Variants in PHF3 observed in about 807,000 individuals in gnomAD.
PHF3 encodes PHD finger protein 3.
PHF3 carries 41 observed loss-of-function variants against 178.4 expected under a neutral mutation model. That is an observed-to-expected ratio of 0.23 (90% CI 0.18 to 0.30). PHF3 has a LOEUF of 0.30. Among genes scored for constraint, PHF3 ranks in the 10% least tolerant of loss-of-function variants. The pLI is 1.00. For synonymous variants in PHF3, 842 were observed against 800.5 expected (o/e 1.05, Z -0.88); for missense variants, 2,346 against 2,398.1 (o/e 0.98, Z 0.45).
At position 63,721,948 on chromosome 6, in the gene PHF3, C is replaced by T. The variant is rs770498785; in HGVS notation, c.*8240C>T. Among the ~76,000 whole-genome samples, 8 of 152,138 alleles carry T rather than the reference C, an allele frequency of 5.3e-5. No homozygotes were observed. The highest frequency in any genetic ancestry group is 1.2e-4 in the Non-Finnish European group (8 of 68,026). On this transcript the variant is annotated 3_prime_UTR_variant, in exon 16 of 16. Transcript: ENST00000262043. ...ATTGTGTTAGTTTTGTTTCCACTCA[C>T]AGAGCAAAATGCATATATCCTGTAT...
rs1198822686 is a variant in PHF3 at position 63,685,363 on chromosome 6, C to T, written c.1641C>T (p.Val547=). The stretch of plus-strand genomic sequence containing the variant: ...AAAATTTTCATAGGCCAGTCAAAGT[C>T]AGAAAAAAACAAATTGATAAGGAGC... ...SQQNFHRPVK[V]RKKQIDKEPK... The change falls in exon 4 of 16, where the codon GTC becomes GTT. Residue 547 remains valine (V), a synonymous_variant. Coordinates refer to ENST00000262043, the MANE Select transcript of PHF3 (RefSeq NM_001370348.2). 1 of 1,613,614 alleles carries T rather than the reference C, an allele frequency of 6.2e-7. No individual in the cohort carries two copies. The highest frequency in any genetic ancestry group is 8.5e-7 in the Non-Finnish European group (1 of 1,179,916).
Position 63,723,097 on chromosome 6 carries a change from T to C in PHF3, c.*9389T>C, listed in dbSNP as rs1247691775. Among the ~76,000 whole-genome samples, 1 of 152,128 alleles carries C rather than the reference T, an allele frequency of 6.6e-6. No individual in the cohort carries two copies. The highest frequency in any genetic ancestry group is 1.5e-5 in the Non-Finnish European group (1 of 68,022). On this transcript the variant is annotated 3_prime_UTR_variant, in exon 16 of 16. Coordinates refer to ENST00000262043, the MANE Select transcript of PHF3 (RefSeq NM_001370348.2). ...TAAATAAAGAAATACGTTTGTAGGG[T>C]TGTGGGTTGAGATGACTCAGAATAT...
intron 5 of PHF3, among the ~76,000 whole-genome samples, chr6:63,692,459 G>A (rs1056158357): frequency 6.6e-5 from 10 of 152,148 alleles, no homozygotes; most frequent in Non-Finnish European, 1.5e-4. Flanking sequence ...TTTCTAAATA[G>A]AAATTTCAAG....
intron 1 of PHF3, 36 bp from the exon 2 acceptor site, chr6:63,646,491 T>C: frequency 1.4e-6 from 2 of 1,467,590 alleles, no homozygotes; most frequent in South Asian, 1.3e-5. Context: ...AATTGATAGC[T>C]TTATTTCTTA....
intron 2 of PHF3, among the ~76,000 whole-genome samples, chr6:63,666,483 G>A (rs1387641188): frequency 1.3e-5 from 2 of 148,806 alleles, no homozygotes; most frequent in African/African-American, 2.5e-5. Context: ...CCCTTATATT[G>A]TAGAGTCATT....
intron 1 of PHF3, among the ~76,000 whole-genome samples, chr6:63,646,213 C>G (rs1267329005): frequency 6.6e-6 from 1 of 151,792 alleles, no homozygotes; most frequent in East Asian, 1.9e-4. Flanking sequence ...CCATGTAATT[C>G]TTTTGTATGT....
rs1561990141 is a variant in PHF3, at chr6:63,715,185, A to G, written c.*1477A>G. 1 of 152,136 alleles carries G rather than the reference A, an allele frequency of 6.6e-6. No individual in the cohort carries two copies. Among genetic ancestry groups the G allele is most frequent in the Non-Finnish European group, 1.5e-5 (1 of 68,008 alleles). 9.4% of individuals were successfully genotyped at this position (152,136 alleles called of 1,614,324 possible). A position where few individuals can be genotyped will look rare whatever the true frequency, so the allele number is the denominator to read the frequency against. ...AGAGAAGGGAGGAAATTCAGAACCA[A>G]ACATTCTATTTAATTTGCAATGACT... On this transcript the variant is annotated 3_prime_UTR_variant, in exon 16 of 16. Coordinates refer to ENST00000262043, the MANE Select transcript of PHF3 (RefSeq NM_001370348.2).
chr6:63,650,829 T>C (rs1290335776), intron 2 of PHF3, among the ~76,000 whole-genome samples: 1 of 152,182 alleles, frequency 6.6e-6, no homozygotes, highest in Admixed American at 6.5e-5. Context: ...AGCATTTCAA[T>C]CAGACAGTAC....
At position 63,712,328 on chromosome 6, in the gene PHF3, A is replaced by G; in HGVS notation, c.4740A>G (p.Ser1580=). The change falls in exon 16 of 16, where the codon TCA becomes TCG. Residue 1580 remains serine, a synonymous_variant. Transcript: ENST00000262043. ...TTTTAACAAATTTATCAATTCAGTC[A>G]AAACAAGAGGAAACTGTGGAGAGTA... ...EAFLTNLSIQ[S]KQEETVESKE... 1 of 1,613,200 alleles carries G rather than the reference A, an allele frequency of 6.2e-7. No individual in the cohort carries two copies. The highest frequency in any genetic ancestry group is 1.1e-5 in the South Asian group (1 of 90,920).
intron 3 of PHF3, among the ~76,000 whole-genome samples, chr6:63,682,724 GGA>G (rs1766493440): frequency 2.0e-5 from 3 of 152,028 alleles, no homozygotes; most frequent in African/African-American, 7.2e-5. Flanking sequence ...AATATTTAGA[GGA>G]GAAAAAGTGA....
chr6:63,703,725 CT>C, intron 11 of PHF3, 54 bp downstream of exon 11: 1 of 1,511,544 alleles, frequency 6.6e-7, no homozygotes, highest in Non-Finnish European at 9.0e-7. Context: ...AAGAAGGATA[CT>C]TAGATACTAG....
chr6:63,645,055 A>ATT (rs67135634), intron 1 of PHF3, among the ~76,000 whole-genome samples: 9 of 149,554 alleles, frequency 6.0e-5, no homozygotes, highest in South Asian at 2.1e-4. Context: ...TAATTTTTGT[A>ATT]TTTTTTTTTG....
At chr6:63,661,206 C>T (rs1489411724) in intron 2 of PHF3, among the ~76,000 whole-genome samples, 1 of 152,066 alleles carries the variant, frequency 6.6e-6, no homozygotes, top group Non-Finnish European at 1.5e-5. Flanking sequence ...AATAATTTAC[C>T]TCCAGGAAGG....
rs1049617080 is a variant in PHF3, at chr6:63,636,722, C to G, written c.-26+572C>G. 2.0e-5 allele frequency: 3 copies of G among 152,204 alleles called. No individual in the cohort carries two copies. The South Asian group carries it at 6.2e-4, about 32-fold the overall frequency. The allele number at this position is 152,204 out of a possible 1,614,324, so 9.4% of individuals were successfully genotyped here. A position where few individuals can be genotyped will look rare whatever the true frequency, so the allele number is the denominator to read the frequency against. ...TCCAGTTACCGCGCGCTTTTGTGCC[C>G]GGGACTCAAACTGTGGACTCCTTTT... On this transcript the variant is annotated intron_variant, in intron 1 of 15. Transcript: ENST00000262043.
chr6:63,709,310 T>C (rs1767825764), intron 14 of PHF3, 70 bp downstream of exon 14: 2 of 1,016,956 alleles, frequency 2.0e-6, no homozygotes, highest in African/African-American at 1.6e-5. Flanking sequence ...AGAATTCTTA[T>C]GCAAGGGTGC....
intron 8 of PHF3, 30 bp downstream of exon 8, chr6:63,698,635 T>G (rs562766781): frequency 8.8e-6 from 13 of 1,471,596 alleles, no homozygotes; most frequent in Non-Finnish European, 1.2e-5. Context: ...ATGTTTATGC[T>G]TCCAACTTTC....
rs151050780 is a variant in PHF3, at chr6:63,685,533, C to T, written c.1811C>T (p.Pro604Leu). ...TTGAGTGATAAGTCACACGCTCATCCTGGTTGCTTGAAAGAACCTCATCAT... is the reference window on the plus strand; with the variant it reads ...TTGAGTGATAAGTCACACGCTCATCTTGGTTGCTTGAAAGAACCTCATCAT... ...HSLSDKSHAH[P>L]GCLKEPHHPA... is the part of the protein sequence containing the mutation. Residue 604 changes from proline (P) to leucine (L), a missense_variant, in exon 4 of 16, where the codon CCT becomes CTT. Coordinates refer to ENST00000262043, the MANE Select transcript of PHF3 (RefSeq NM_001370348.2). The T allele has an allele frequency of 1.2e-6, 2 of 1,614,078 alleles. No individual in the cohort carries two copies. Among genetic ancestry groups the T allele is most frequent in the Admixed American group, 3.3e-5 (2 of 60,012 alleles).
chr6:63,699,956 G>A (rs886490889), intron 8 of PHF3, among the ~76,000 whole-genome samples: 4 of 152,120 alleles, frequency 2.6e-5, no homozygotes, highest in African/African-American at 9.7e-5. Flanking sequence ...CTCCAAGCCT[G>A]TCAGGATTTA....
In PHF3 at chr6:63,712,230, T is replaced by A; in HGVS notation, c.4642T>A (p.Ser1548Thr). Residue 1548 changes from serine to threonine, a missense_variant, in exon 16 of 16, where the codon TCT (serine) becomes ACT (threonine). Ser to Thr is a moderately conservative substitution (Grantham distance 58). This residue lies in a region of PHF3 where 839 missense variants were observed against 806.9 expected (regional missense o/e 1.04). Transcript: ENST00000262043. ...AATAGAAACATCAGTAGTAGGGTCC[T>A]CTTCCATTTCTGCAGGGTCTTTGAC... The part of the protein sequence containing the change: ...AEIETSVVGS[S>T]SISAGSLTSL... 1.2e-6 allele frequency: 2 copies of A among 1,614,072 alleles called. No individual in the cohort carries two copies. Among genetic ancestry groups the A allele is most frequent in the African/African-American group, 2.7e-5 (2 of 75,052 alleles).
Sources: allele counts gnomAD v4.1 joint callset (sites outside exome capture counted in the v4.1 genomes callset), GRCh38; gene constraint gnomAD v4.1.1; regional missense constraint gnomAD v4.1.1; transcripts MANE v1.5; gene names NCBI Gene and HGNC (gene_info 2026-07-23, HGNC 2026-07-21).